Variants in CAST observed in about 807,000 individuals in gnomAD.
CAST encodes MIR583 host.
Under a neutral mutation model 119.6 loss-of-function variants are expected in CAST, and 76 were observed. That is an observed-to-expected ratio of 0.64 (90% CI 0.53 to 0.77). The LOEUF (loss-of-function observed/expected upper bound fraction) is 0.77, where lower values mean the gene tolerates loss of function less well. Among genes scored for constraint, CAST ranks in the 30% least tolerant of loss-of-function variants. The pLI, the probability that CAST is intolerant of heterozygous loss-of-function variation, is 0.00. For missense variants in CAST, 953 were observed against 946.5 expected (o/e 1.01, Z -0.09); for synonymous variants, 319 against 331.6 (o/e 0.96, Z 0.41).
At chr5:96,513,030 A>G in the CAST span, among the ~76,000 whole-genome samples, 1 of 152,206 alleles carries the variant, frequency 6.6e-6, no homozygotes, top group Non-Finnish European at 1.5e-5. Context: ...CCACAGAACA[A>G]TCATGGGACT....
At chr5:96,664,333 ATGTG>A (rs1202126163) in intron 1 of CAST, among the ~76,000 whole-genome samples, 1 of 152,004 alleles carries the variant, frequency 6.6e-6, no homozygotes, top group Admixed American at 6.6e-5. Flanking sequence ...ATGTAAATAT[ATGTG>A]TGTGCATATA....
At chr5:96,743,617 C>G in intron 16 of CAST, 1 of 1,611,702 alleles carries the variant, frequency 6.2e-7, no homozygotes, top group Admixed American at 1.7e-5. Context: ...TGGGACTGCC[C>G]TGGCCTAAGA....
the CAST span, among the ~76,000 whole-genome samples, chr5:96,121,995 T>C: frequency 4.6e-5 from 7 of 152,230 alleles, no homozygotes; most frequent in Non-Finnish European, 5.9e-5. Flanking sequence ...TTAAGCATTC[T>C]AATTTTCTTT....
intron 1 of CAST, among the ~76,000 whole-genome samples, chr5:96,534,785 GAAAGAAAGAAAGAAAGAAGA>G (rs1321546154): frequency 6.2e-4 from 68 of 110,374 alleles, no homozygotes; most frequent in African/African-American, 2.0e-3. Flanking sequence ...AAGAAAGAAA[GAAAGAAAGAAAGAAAGAAGA>G]AAGAAAGAAA....
intron 1 of CAST, among the ~76,000 whole-genome samples, chr5:96,643,165 AC>A (rs1414739785): frequency 6.6e-6 from 1 of 152,220 alleles, no homozygotes. Context: ...GGGATGCAAG[AC>A]ACCTTGAGAG....
the CAST span, among the ~76,000 whole-genome samples, chr5:96,306,012 A>G: frequency 1.3e-5 from 2 of 152,156 alleles, no homozygotes; most frequent in Non-Finnish European, 2.9e-5. Flanking sequence ...TGCTTGGAAT[A>G]CTTTCTGAAG....
At chr5:96,329,222 A>C in the CAST span, among the ~76,000 whole-genome samples, 2 of 152,368 alleles carry the variant, frequency 1.3e-5, no homozygotes, top group Admixed American at 6.5e-5. Flanking sequence ...TCACTTTTGC[A>C]CCAGGAAGAG....
At chr5:96,431,595 G>A in the CAST span, among the ~76,000 whole-genome samples, 1 of 152,156 alleles carries the variant, frequency 6.6e-6, no homozygotes, top group Admixed American at 6.5e-5. Flanking sequence ...CTGGCCAAAA[G>A]CAAAAGACTC....
chr5:96,341,806 A>G, the CAST span, among the ~76,000 whole-genome samples: 1 of 152,170 alleles, frequency 6.6e-6, no homozygotes, highest in African/African-American at 2.4e-5. Context: ...TTTTCTCCTT[A>G]TGTTAAGTGT....
chr5:96,601,474 T>C (rs1454842068), intron 1 of CAST, among the ~76,000 whole-genome samples: 2 of 152,234 alleles, frequency 1.3e-5, no homozygotes, highest in African/African-American at 2.4e-5. Flanking sequence ...CCATTTATAT[T>C]TGAAAGGATT....
At chr5:96,085,172 T>A in the CAST span, among the ~76,000 whole-genome samples, 1 of 152,178 alleles carries the variant, frequency 6.6e-6, no homozygotes, top group South Asian at 2.1e-4. Context: ...TAGATTTTTA[T>A]CAAAATGATA....
chr5:96,181,758 A>T, the CAST span, among the ~76,000 whole-genome samples: 3 of 152,236 alleles, frequency 2.0e-5, 1 homozygote, highest in Admixed American at 2.0e-4. Flanking sequence ...AGTGTACTTT[A>T]TATACAAATA....
the CAST span, among the ~76,000 whole-genome samples, chr5:96,138,706 A>AT: frequency 1.3e-5 from 2 of 151,606 alleles, no homozygotes; most frequent in East Asian, 3.9e-4. Flanking sequence ...ATTTTATTTT[A>AT]TTTTTTGGGT....
the CAST span, among the ~76,000 whole-genome samples, chr5:96,295,772 C>G: frequency 6.6e-6 from 1 of 152,016 alleles, no homozygotes; most frequent in African/African-American, 2.4e-5. Flanking sequence ...AGAAGTGTCA[C>G]GTAAAGCAGA....
At chr5:96,181,175 C>T in the CAST span, among the ~76,000 whole-genome samples, 1 of 152,138 alleles carries the variant, frequency 6.6e-6, no homozygotes, top group Non-Finnish European at 1.5e-5. Context: ...TTTCTCCATT[C>T]CCTGATAGAA....
the CAST span, among the ~76,000 whole-genome samples, chr5:96,415,032 T>C: frequency 1.3e-5 from 2 of 152,216 alleles, no homozygotes; most frequent in Non-Finnish European, 2.9e-5. Context: ...TACAATTGAT[T>C]CTTTTTGTGA....
chr5:96,154,808 A>T, the CAST span, among the ~76,000 whole-genome samples: 2 of 152,218 alleles, frequency 1.3e-5, no homozygotes, highest in Non-Finnish European at 2.9e-5. Context: ...AAGACCACAG[A>T]GGTAAAGTAC....
the CAST span, among the ~76,000 whole-genome samples, chr5:96,483,369 T>C: frequency 2.2e-4 from 34 of 152,322 alleles, no homozygotes; most frequent in Admixed American, 6.5e-4. Flanking sequence ...GTATCGGTCA[T>C]GCACTTTTCC....
the CAST span, among the ~76,000 whole-genome samples, chr5:95,973,733 T>G: frequency 6.6e-6 from 1 of 152,328 alleles, no homozygotes; most frequent in Admixed American, 6.5e-5. Context: ...ATTGTAGCTT[T>G]ATAGTATAAT....
Sources: gnomAD v4.1 joint callset for allele counts (sites outside exome capture counted in the v4.1 genomes callset) on GRCh38, gnomAD v4.1.1 for gene constraint, MANE v1.5 for transcripts, NCBI Gene and HGNC (gene_info 2026-07-23, HGNC 2026-07-21) for gene names.